Variants in SPHKAP observed in about 807,000 individuals in gnomAD.
SPHKAP encodes SPHK1 interactor, AKAP domain containing.
In SPHKAP, 67 loss-of-function variants were observed where a neutral mutation model predicts 137.5. The observed-to-expected ratio is 0.49, with a 90% CI of 0.40 to 0.60. The LOEUF (loss-of-function observed/expected upper bound fraction) is 0.60. Ranked by LOEUF, SPHKAP falls within the 20% of genes least tolerant of loss-of-function variation. The pLI is 0.00. For synonymous variants in SPHKAP, 813 were observed against 785.3 expected (o/e 1.04, Z -0.59); for missense variants, 2,097 against 2,069.3 (o/e 1.01, Z -0.26).
intron 1 of SPHKAP, among the ~76,000 whole-genome samples, chr2:228,157,727 A>T (rs141862196): frequency 6.6e-6 from 1 of 152,196 alleles, no homozygotes; most frequent in Non-Finnish European, 1.5e-5. Context: ...GCTAAGGGGT[A>T]GTACATAAGT....
At chr2:228,111,363 A>G (rs1196890028) in intron 2 of SPHKAP, among the ~76,000 whole-genome samples, 1 of 152,168 alleles carries the variant, frequency 6.6e-6, no homozygotes, top group Non-Finnish European at 1.5e-5. Flanking sequence ...GTGAGATGAT[A>G]TATGTGAAAC....
chr2:228,081,395 G>A lies in SPHKAP; in HGVS notation c.246+27437C>T, dbSNP rs376583038. 1.7e-4 allele frequency among the ~76,000 whole-genome samples: 26 copies of A among 152,202 alleles called. 1 individual carries two copies. Among genetic ancestry groups the A allele is most frequent in the Admixed American group, 1.3e-3 (20 of 15,272 alleles). ...TTCTTCTAGGCATGTCCTTAACCTT[G>A]TCAAAATAAATTTGTAAACTGATAG... On this transcript the variant is annotated intron_variant, in intron 3 of 11. Transcript: ENST00000392056.
At chr2:228,063,549 C>CT (rs1559154084) in intron 3 of SPHKAP, among the ~76,000 whole-genome samples, 2 of 152,088 alleles carry the variant, frequency 1.3e-5, no homozygotes, top group African/African-American at 2.4e-5. Flanking sequence ...TTGTTTTTAT[C>CT]TTTTTTGTTA....
At chr2:228,087,459 G>C (rs1697575005) in intron 3 of SPHKAP, among the ~76,000 whole-genome samples, 1 of 152,182 alleles carries the variant, frequency 6.6e-6, no homozygotes, top group Non-Finnish European at 1.5e-5. Context: ...GAAGCTGACT[G>C]TGAGATGTCA....
chr2:227,981,586 G>A lies in SPHKAP; in HGVS notation c.*131C>T, dbSNP rs191501538. 1 of 1,216,032 alleles carries A rather than the reference G, an allele frequency of 8.2e-7. No homozygotes were observed. Among genetic ancestry groups the A allele is most frequent in the Non-Finnish European group, 1.1e-6 (1 of 890,500 alleles). 75.3% of individuals were successfully genotyped at this position (1,216,032 alleles called of 1,614,324 possible). A position where few individuals can be genotyped will look rare whatever the true frequency, so the allele number is the denominator to read the frequency against. ...CTTATTCTGTATGCAGTGGATCTGA[G>A]TAGCAGATTTTTTTTTATAGTTCTG... On this transcript the variant is annotated 3_prime_UTR_variant, in exon 12 of 12. Coordinates refer to ENST00000392056, the MANE Select transcript of SPHKAP (RefSeq NM_001142644.2).
At chr2:228,028,853 A>G (rs1411487348) in intron 3 of SPHKAP, among the ~76,000 whole-genome samples, 1 of 152,256 alleles carries the variant, frequency 6.6e-6, no homozygotes, top group African/African-American at 2.4e-5. Flanking sequence ...AATCCCAAAT[A>G]TACCACATAG....
intron 1 of SPHKAP, among the ~76,000 whole-genome samples, chr2:228,142,556 G>C (rs1699639497): frequency 6.6e-6 from 1 of 152,044 alleles, no homozygotes; most frequent in African/African-American, 2.4e-5. Flanking sequence ...TGAGAACATG[G>C]ATGGTGCTGG....
chr2:228,009,531 A>G (rs1240722280), intron 7 of SPHKAP, among the ~76,000 whole-genome samples: 2 of 151,852 alleles, frequency 1.3e-5, no homozygotes, highest in African/African-American at 4.8e-5. Flanking sequence ...CTTCTCTGTA[A>G]TTTCTGGATA....
intron 3 of SPHKAP, among the ~76,000 whole-genome samples, chr2:228,091,258 A>C (rs935307107): frequency 6.6e-6 from 1 of 152,210 alleles, no homozygotes; most frequent in African/African-American, 2.4e-5. Flanking sequence ...CAAAAAATAG[A>C]GGTCAACTCA....
chr2:227,990,816 A>G, intron 11 of SPHKAP, 184 bp downstream of exon 11: 1 of 630,176 alleles, frequency 1.6e-6, no homozygotes, highest in South Asian at 2.4e-5. Flanking sequence ...TAAGGATCAA[A>G]GAAACGCTAA....
At chr2:227,999,050 A>T (rs1374929146) in intron 7 of SPHKAP, among the ~76,000 whole-genome samples, 1 of 152,206 alleles carries the variant, frequency 6.6e-6, no homozygotes, top group Non-Finnish European at 1.5e-5. Flanking sequence ...TATTTTAAAA[A>T]TTTAAAAAAG....
intron 3 of SPHKAP, among the ~76,000 whole-genome samples, chr2:228,095,252 C>A (rs1429607871): frequency 6.6e-6 from 1 of 152,128 alleles, no homozygotes; most frequent in Non-Finnish European, 1.5e-5. Context: ...ATCAAGTTTA[C>A]AGTCCAGAGA....
chr2:228,154,714 A>C (rs1188234973), intron 1 of SPHKAP, among the ~76,000 whole-genome samples: 1 of 89,700 alleles, frequency 1.1e-5, no homozygotes, highest in Non-Finnish European at 2.3e-5. Flanking sequence ...ATGCCTGGCT[A>C]ATTTTTTTTT....
At chr2:228,110,432 C>G (rs1698483244) in intron 2 of SPHKAP, among the ~76,000 whole-genome samples, 1 of 151,320 alleles carries the variant, frequency 6.6e-6, no homozygotes, top group African/African-American at 2.4e-5. Context: ...ACAAAGAGAC[C>G]CTTTGTGGAT....
chr2:228,080,261 T>C (rs897375106), intron 3 of SPHKAP, among the ~76,000 whole-genome samples: 1 of 151,680 alleles, frequency 6.6e-6, no homozygotes, highest in Admixed American at 6.6e-5. Context: ...TATAAAGAAC[T>C]CAAACAATTC....
chr2:228,099,464 C>G (rs1189347165), intron 3 of SPHKAP, among the ~76,000 whole-genome samples: 1 of 152,126 alleles, frequency 6.6e-6, no homozygotes, highest in Non-Finnish European at 1.5e-5. Context: ...TATGATGCCT[C>G]TGGCTTTGTT....
At chr2:228,146,970 A>G (rs894135232) in intron 1 of SPHKAP, among the ~76,000 whole-genome samples, 8 of 152,194 alleles carry the variant, frequency 5.3e-5, no homozygotes, top group Non-Finnish European at 8.8e-5. Flanking sequence ...ATATGTACCA[A>G]TCTCCATCTT....
chr2:227,991,771 C>A, intron 9 of SPHKAP: 1 of 656,316 alleles, frequency 1.5e-6, no homozygotes, highest in Non-Finnish European at 1.9e-6. Flanking sequence ...ACTACAATAG[C>A]AACATAGCTT....
intron 8 of SPHKAP, chr2:227,994,063 A>C: frequency 2.0e-6 from 2 of 985,386 alleles, no homozygotes; most frequent in Non-Finnish European, 2.4e-6. Flanking sequence ...GACAGAAACC[A>C]GTGGACTCAT....
Sources: gnomAD v4.1 joint callset for allele counts (sites outside exome capture counted in the v4.1 genomes callset) on GRCh38, gnomAD v4.1.1 for gene constraint, MANE v1.5 for transcripts, NCBI Gene and HGNC (gene_info 2026-07-23, HGNC 2026-07-21) for gene names.